The following HAPLN2 variants were observed in gnomAD, a reference collection of about 807,000 sequenced individuals.
HAPLN2 encodes the protein brain link protein-1.
A neutral mutation model predicts 29.3 loss-of-function variants in HAPLN2; 27 were observed. That is an observed-to-expected ratio of 0.92 (90% confidence interval 0.68 to 1.27). HAPLN2 has a LOEUF of 1.27. HAPLN2 is among the 50% of genes most tolerant of loss of function. The pLI is 0.00. For missense variants in HAPLN2, 454 were observed against 484.3 expected (o/e 0.94, Z 0.59); for synonymous variants, 208 against 211.7 (o/e 0.98, Z 0.15).
chr1:156,622,778 G>A (rs1343562843), intron 2 of HAPLN2, among the ~76,000 whole-genome samples: 1 of 151,976 alleles, frequency 6.6e-6, no homozygotes, highest in African/African-American at 2.4e-5. Flanking sequence ...CTTTCAAGCA[G>A]GAGAGTGACA....
chr1:156,619,691 G>A (rs1678158610), intron 1 of HAPLN2, among the ~76,000 whole-genome samples, 156 bp downstream of exon 1: 3 of 136,798 alleles, frequency 2.2e-5, no homozygotes, highest in Admixed American at 7.2e-5. Flanking sequence ...CATATCCACC[G>A]ATCAATCTAC....
Position 156,625,204 on chromosome 1 carries a change from C to G in HAPLN2, c.843C>G (p.Ala281=), listed in dbSNP as rs754810574. 6 of 1,558,492 alleles carry G rather than the reference C, an allele frequency of 3.8e-6. No individual in the cohort carries two copies. In the South Asian group the frequency reaches 7.1e-5, roughly 18 times the overall value. The stretch of plus-strand genomic sequence containing the variant: ...CCAAGGTTGGGCACCTCTACGCCGC[C>G]TGGAAGTTTTCGGGGCTAGACCAGT... ...VVAKVGHLYA[A]WKFSGLDQCD... Residue 281 remains alanine, a synonymous_variant, in exon 7 of 7, where the codon GCC becomes GCG. Coordinates refer to ENST00000255039, the MANE Select transcript of HAPLN2 (RefSeq NM_021817.3). The surrounding 1 kb of genome is among the most constrained non-coding windows in gnomAD (Gnocchi z 5.7).
rs1207919606 is a variant in HAPLN2 at position 156,623,033 on chromosome 1, C to CAAAA, written c.-24-430_-24-427dup. Among the ~76,000 whole-genome samples the CAAAA allele has an allele frequency of 8.4e-4, 37 of 44,184 alleles. 4 individuals carry two copies. Among genetic ancestry groups the CAAAA allele is most frequent in the South Asian group, 1.9e-3 (2 of 1,080 alleles). The allele number at this position is 44,184 out of a possible 152,430, so 29.0% of individuals were successfully genotyped here. A position where few individuals can be genotyped will look rare whatever the true frequency, so the allele number is the denominator to read the frequency against. On this transcript the variant is annotated intron_variant, in intron 2 of 6. Coordinates refer to ENST00000255039, the MANE Select transcript of HAPLN2 (RefSeq NM_021817.3). Reference sequence around the variant, plus strand: ...TGGACCATGGAGCAACACTCTGTCTCAAAAAAATAAATAAATAAATAAATA... The same window carrying CAAAA: ...TGGACCATGGAGCAACACTCTGTCTCAAAAAAAAAAATAAATAAATAAATAAATA...
intron 2 of HAPLN2, among the ~76,000 whole-genome samples, chr1:156,621,648 C>T (rs575567601): frequency 2.0e-5 from 3 of 150,992 alleles, no homozygotes; most frequent in South Asian, 2.1e-4. Context: ...CGCTTGAACC[C>T]GGGAGGTGGA....
rs375020823 is a variant in HAPLN2 at position 156,623,807 on chromosome 1, C to A, written c.86C>A (p.Ala29Glu). The change falls in exon 4 of 7, where the codon GCA (alanine) becomes GAA (glutamate). Residue 29 changes from alanine (A) to glutamate (E), a missense_variant and splice_region_variant. By Grantham distance (107) the Ala-to-Glu change is moderately radical. Coordinates refer to ENST00000255039, the MANE Select transcript of HAPLN2 (RefSeq NM_021817.3). ...TIFHKAQGDP[A>E]SHPGPHYLLP... ...TGCCACTGTGGCCCCCTCTGCCCAG[C>A]ATCCCACCCGGGCCCCCACTACCTC... 4.6e-6 allele frequency: 7 copies of A among 1,508,786 alleles called. No homozygotes were observed. Among genetic ancestry groups the A allele is most frequent in the Non-Finnish European group, 6.2e-6 (7 of 1,130,040 alleles). The allele number at this position is 1,508,786 out of a possible 1,614,324, so 93.5% of individuals were successfully genotyped here.
chr1:156,611,934 A>G, the HAPLN2 span, among the ~76,000 whole-genome samples: 2 of 152,228 alleles, frequency 1.3e-5, no homozygotes, highest in South Asian at 2.1e-4. Flanking sequence ...CCCCTACTCC[A>G]TACTGCCTTT....
intron 2 of HAPLN2, among the ~76,000 whole-genome samples, chr1:156,620,684 T>C (rs1678190292): frequency 6.6e-6 from 1 of 152,220 alleles, no homozygotes; most frequent in African/African-American, 2.4e-5. Flanking sequence ...TGCAGAAAGA[T>C]GGAGCTCCAT....
chr1:156,624,024 C>T lies in HAPLN2; in HGVS notation c.303C>T (p.Ala101=). 1 of 1,612,144 alleles carries T rather than the reference C, an allele frequency of 6.2e-7. No individual in the cohort carries two copies. Among genetic ancestry groups the T allele is most frequent in the Non-Finnish European group, 8.5e-7 (1 of 1,179,304 alleles). ...GGTATGGGCCCCTGGGAGGGCGCGC[C>T]AGGATGCGGAGGGGGCATCGACTAG... is the stretch of plus-strand genomic sequence containing the variant. ...ARGYGPLGGR[A]RMRRGHRLDA... Residue 101 remains alanine (A), a synonymous_variant, in exon 4 of 7, where the codon GCC becomes GCT. Coordinates refer to ENST00000255039, the MANE Select transcript of HAPLN2 (RefSeq NM_021817.3).
At chr1:156,612,976 A>C in the HAPLN2 span, among the ~76,000 whole-genome samples, 3 of 152,234 alleles carry the variant, frequency 2.0e-5, no homozygotes, top group African/African-American at 7.2e-5. Context: ...TATTGAACTC[A>C]TTAATGAGAG....
At chr1:156,610,654 A>G in the HAPLN2 span, among the ~76,000 whole-genome samples, 3 of 151,382 alleles carry the variant, frequency 2.0e-5, no homozygotes, top group Non-Finnish European at 2.9e-5. Flanking sequence ...AAAAAAAAAG[A>G]AAAGAAAAAA....
At chr1:156,604,666 A>G in the HAPLN2 span, among the ~76,000 whole-genome samples, 1 of 152,234 alleles carries the variant, frequency 6.6e-6, no homozygotes, top group Non-Finnish European at 1.5e-5. Flanking sequence ...TACCTACAGT[A>G]AGAACCTATC....
Position 156,623,524 on chromosome 1 carries a change from C to T in HAPLN2, c.34C>T (p.Arg12Cys), listed in dbSNP as rs754721614. 5.6e-6 allele frequency: 9 copies of T among 1,614,164 alleles called. No individual in the cohort carries two copies. Among genetic ancestry groups the T allele is most frequent in the East Asian group, 2.2e-5 (1 of 44,878 alleles). ...CTGGCTCACCCTCCCCACACTCTGC[C>T]GCTTCCTTCTTTGGGCCTTCACCAT... ...PGWLTLPTLC[R>C]FLLWAFTIFH... Residue 12 changes from arginine (R) to cysteine (C), a missense_variant, in exon 3 of 7, where the codon CGC becomes TGC. By Grantham distance (180) the Arg-to-Cys change is radical. This residue lies in a region of HAPLN2 where 204 missense variants were observed against 209.2 expected (regional missense o/e 0.98). Transcript: ENST00000255039.
At position 156,625,669 on chromosome 1, in the gene HAPLN2, C is replaced by T. The variant is rs761237387; in HGVS notation, c.*285C>T. On this transcript the variant is annotated 3_prime_UTR_variant, in exon 7 of 7. Transcript: ENST00000255039. The surrounding 1 kb of genome is among the most constrained non-coding windows in gnomAD (Gnocchi z 5.7). ...AGCCACCGCCGGGGGGAGGGTGAGG[C>T]GGCCGGGGGCATTAACTGACCTCTG... The T allele has an allele frequency of 5.3e-4, 214 of 400,984 alleles. No individual in the cohort carries two copies. The highest frequency in any genetic ancestry group is 7.8e-4 in the Non-Finnish European group (176 of 225,664). 24.8% of individuals were successfully genotyped at this position (400,984 alleles called of 1,614,324 possible).
rs1571424295 is a variant in HAPLN2, at chr1:156,625,461, G to A, written c.*77G>A. ...GGGGGTCTCTCGCCACCCCTTTCCG[G>A]AGAGCCTCCCCTCCCTCCAGACCCG... On this transcript the variant is annotated 3_prime_UTR_variant, in exon 7 of 7. Coordinates refer to ENST00000255039, the MANE Select transcript of HAPLN2 (RefSeq NM_021817.3). This position sits in a 1 kb window ranked among gnomAD's most constrained non-coding sequence, Gnocchi z 5.7. 1.4e-6 allele frequency: 2 copies of A among 1,408,820 alleles called. No homozygotes were observed. Among genetic ancestry groups the A allele is most frequent in the Non-Finnish European group, 1.9e-6 (2 of 1,055,282 alleles). 87.3% of individuals were successfully genotyped at this position (1,408,820 alleles called of 1,614,324 possible).
At chr1:156,622,668 CG>C (rs1321361808) in intron 2 of HAPLN2, among the ~76,000 whole-genome samples, 1 of 151,998 alleles carries the variant, frequency 6.6e-6, no homozygotes, top group Non-Finnish European at 1.5e-5. Context: ...AGAGGCGAGG[CG>C]GGGACCATGC....
Position 156,625,642 on chromosome 1 carries a change from T to C in HAPLN2, c.*258T>C. ...CCGTTCGCGAACCCTAGCAGAGGAC[T>C]CAGCCACCGCCGGGGGGAGGGTGAG... is the stretch of plus-strand genomic sequence containing the variant. On this transcript the variant is annotated 3_prime_UTR_variant, in exon 7 of 7. Coordinates refer to ENST00000255039, the MANE Select transcript of HAPLN2 (RefSeq NM_021817.3). The surrounding 1 kb of genome is among the most constrained non-coding windows in gnomAD (Gnocchi z 5.7). 1 of 435,210 alleles carries C rather than the reference T, an allele frequency of 2.3e-6. No homozygotes were observed. The highest frequency in any genetic ancestry group is 4.0e-6 in the Non-Finnish European group (1 of 247,606). 27.0% of individuals were successfully genotyped at this position (435,210 alleles called of 1,614,324 possible).
upstream of HAPLN2, chr1:156,615,139 C>G (rs1678026631): frequency 6.6e-6 from 1 of 152,174 alleles, no homozygotes; most frequent in Non-Finnish European, 1.5e-5. Context: ...ACAGGCCCAG[C>G]AGCGAAGCCT....
chr1:156,616,785 G>C (rs1054749010), upstream of HAPLN2, among the ~76,000 whole-genome samples: 3 of 152,108 alleles, frequency 2.0e-5, no homozygotes, highest in African/African-American at 7.2e-5. Context: ...TAGTCAATCA[G>C]ATCTCTCAAG....
upstream of HAPLN2, chr1:156,615,224 G>A (rs1268583376): frequency 6.6e-6 from 1 of 152,174 alleles, no homozygotes; most frequent in Non-Finnish European, 1.5e-5. Flanking sequence ...CTACTAGAAG[G>A]TCTCCTATGC....
Sources: allele counts gnomAD v4.1 joint callset (sites outside exome capture counted in the v4.1 genomes callset), GRCh38; gene constraint gnomAD v4.1.1; regional missense constraint gnomAD v4.1.1; non-coding constraint Gnocchi (gnomAD v3.1); transcripts MANE v1.5; gene names NCBI Gene and HGNC (gene_info 2026-07-23, HGNC 2026-07-21).